The following PDE6B variants were observed in gnomAD, a reference collection of about 807,000 sequenced individuals.
PDE6B encodes phosphodiesterase 6B.
A neutral mutation model predicts 109.0 loss-of-function variants in PDE6B; 106 were observed. The observed-to-expected ratio is 0.97, with a 90% confidence interval of 0.83 to 1.14. The LOEUF (loss-of-function observed/expected upper bound fraction) is 1.14. Ranked by LOEUF, PDE6B falls within the 50% of genes most tolerant of loss-of-function variation. PDE6B has a pLI of 0.00. For synonymous variants in PDE6B, 490 were observed against 471.3 expected (o/e 1.04, Z -0.51); for missense variants, 1,193 against 1,155.6 (o/e 1.03, Z -0.47).
In PDE6B at chr4:660,586, G is replaced by A; in HGVS notation, c.1587G>A (p.Val529=). ...CGIQMYYELG[V]VRKFQIPQEV... ...TCCAGATGTACTACGAGCTGGGCGT[G>A]GTCCGAAAGTTCCAGATCCCCCAGG... The change falls in exon 12 of 22, where the codon GTG becomes GTA. Residue 529 remains valine, a synonymous_variant. Transcript: ENST00000496514. 1 of 1,613,788 alleles carries A rather than the reference G, an allele frequency of 6.2e-7. No individual in the cohort carries two copies. The highest frequency in any genetic ancestry group is 1.3e-5 in the African/African-American group (1 of 75,016).
chr4:659,100 G>A (rs1736719722), intron 11 of PDE6B, 83 bp downstream of exon 11: 8 of 1,031,998 alleles, frequency 7.8e-6, no homozygotes, highest in Middle Eastern at 2.1e-4. Flanking sequence ...TCCGGGACCC[G>A]ACGGTGCTTT....
Position 662,442 on chromosome 4 carries a change from C to T in PDE6B, c.1723-67C>T, listed in dbSNP as rs1021663676. ...CTCCAACCCGACGCCTAGGTCATCC[C>T]AACCCCTCACCACTCCCCACCCTGC... On this transcript the variant is annotated intron_variant, in intron 13 of 21. Transcript: ENST00000496514. The surrounding 1 kb of genome is among the most constrained non-coding windows in gnomAD (Gnocchi z 4.3). 1 of 1,165,252 alleles carries T rather than the reference C, an allele frequency of 8.6e-7. No individual in the cohort carries two copies. The highest frequency in any genetic ancestry group is 1.3e-6 in the Non-Finnish European group (1 of 773,492). 72.2% of individuals were successfully genotyped at this position (1,165,252 alleles called of 1,614,324 possible).
At chr4:653,482 C>A in intron 3 of PDE6B, 2 of 512,878 alleles carry the variant, frequency 3.9e-6, no homozygotes, top group Non-Finnish European at 6.3e-6. Flanking sequence ...GAAACCACGG[C>A]CCGATGTTCT....
At chr4:627,426 G>A (rs532759567) in intron 1 of PDE6B, among the ~76,000 whole-genome samples, 12 of 152,202 alleles carry the variant, frequency 7.9e-5, no homozygotes, top group East Asian at 7.7e-4. Flanking sequence ...GATAACAGGC[G>A]TGAGCCACCG....
At position 666,489 on chromosome 4, in the gene PDE6B, C is replaced by T. The variant is rs745990600; in HGVS notation, c.2269-42C>T. The T allele has an allele frequency of 2.6e-5, 37 of 1,400,436 alleles. 1 individual carries two copies. In the South Asian group the frequency reaches 3.7e-4, roughly 14 times the overall value. 86.8% of individuals were successfully genotyped at this position (1,400,436 alleles called of 1,614,324 possible). On this transcript the variant is annotated intron_variant, in intron 19 of 21. Coordinates refer to ENST00000496514, the MANE Select transcript of PDE6B (RefSeq NM_000283.4). This position sits in a 1 kb window ranked among gnomAD's most constrained non-coding sequence, Gnocchi z 5.6. ...GGCTGGGCGGGGCCCCAGGAGCTGC[C>T]TCCCTGGTCACTGTTCTCCCGCCCT...
chr4:637,015 T>G (rs1035091127), intron 3 of PDE6B, among the ~76,000 whole-genome samples: 1 of 152,186 alleles, frequency 6.6e-6, no homozygotes, highest in South Asian at 2.1e-4. Flanking sequence ...GCGTGAGAGA[T>G]TTGTCTCTTC....
intron 11 of PDE6B, 76 bp downstream of exon 11, chr4:659,093 G>C: frequency 9.4e-7 from 1 of 1,068,142 alleles, no homozygotes; most frequent in Non-Finnish European, 1.5e-6. Flanking sequence ...TGCATTCTCC[G>C]GGACCCGACG....
At chr4:653,157 GGA>G (rs1735734681) in intron 3 of PDE6B, 5 of 991,470 alleles carry the variant, frequency 5.0e-6, no homozygotes, top group Non-Finnish European at 6.0e-6. Context: ...GGCCTGGCAG[GGA>G]GAGAGCTGGG....
rs777432678 is a variant in PDE6B at position 666,637 on chromosome 4, G to A, written c.2352+23G>A. 5.2e-6 allele frequency: 8 copies of A among 1,530,080 alleles called. No individual in the cohort carries two copies. Among genetic ancestry groups the A allele is most frequent in the African/African-American group, 2.7e-5 (2 of 73,138 alleles). 94.8% of individuals were successfully genotyped at this position (1,530,080 alleles called of 1,614,324 possible). A position where few individuals can be genotyped will look rare whatever the true frequency, so the allele number is the denominator to read the frequency against. ...AAGGCGAGTGGTTCACGGGTGTTCC[G>A]AGCTGACTGGGGCAGGGTGGCTGGG... is the stretch of plus-strand genomic sequence containing the variant. On this transcript the variant is annotated intron_variant, in intron 20 of 21. Transcript: ENST00000496514. This position sits in a 1 kb window ranked among gnomAD's most constrained non-coding sequence, Gnocchi z 5.6.
intron 3 of PDE6B, among the ~76,000 whole-genome samples, chr4:642,262 G>A (rs763505873): frequency 2.0e-5 from 3 of 151,046 alleles, no homozygotes; most frequent in African/African-American, 4.9e-5. Context: ...ACCTGAGGTC[G>A]GGAGTTTGAG....
chr4:625,770 G>A lies in PDE6B; in HGVS notation c.144G>A (p.Arg48=), dbSNP rs145067855. 6.2e-7 allele frequency: 1 copy of A among 1,613,488 alleles called. No homozygotes were observed. Among genetic ancestry groups the A allele is most frequent in the Non-Finnish European group, 8.5e-7 (1 of 1,179,956 alleles). The change falls in exon 1 of 22, where the codon CGG becomes CGA. Residue 48 remains arginine (R), a synonymous_variant. Transcript: ENST00000496514. The surrounding 1 kb of genome is among the most constrained non-coding windows in gnomAD (Gnocchi z 5.0). ...DGCPPDCDSL[R]DLCQVEESTA... ...GCCCGCCGGACTGCGACAGCCTCCG[G>A]GACCTCTGCCAGGTGGAGGAGAGCA...
In PDE6B at chr4:648,623, C is replaced by A. The variant is rs756437996; in HGVS notation, c.712-5229C>A. ...CCCCTGCCATTCCCTTTCTGAAAAG[C>A]CTCTCGGACACTCCCATCAGAGCCA... On this transcript the variant is annotated intron_variant, in intron 3 of 21. Coordinates refer to ENST00000496514, the MANE Select transcript of PDE6B (RefSeq NM_000283.4). This position sits in a 1 kb window ranked among gnomAD's most constrained non-coding sequence, Gnocchi z 4.5. Among the ~76,000 whole-genome samples the A allele has an allele frequency of 1.3e-5, 2 of 152,212 alleles. No homozygotes were observed. Among genetic ancestry groups the A allele is most frequent in the Non-Finnish European group, 2.9e-5 (2 of 68,042 alleles).
intron 11 of PDE6B, among the ~76,000 whole-genome samples, chr4:659,369 A>G (rs2109233863): frequency 6.6e-6 from 1 of 152,294 alleles, no homozygotes; most frequent in Non-Finnish European, 1.5e-5. Flanking sequence ...GTGTCCATCT[A>G]TGTCATCTCT....
At chr4:668,341 G>A (rs560935073) in intron 21 of PDE6B, among the ~76,000 whole-genome samples, 76 of 151,968 alleles carry the variant, frequency 5.0e-4, no homozygotes, top group African/African-American at 1.4e-3. Context: ...CAAAGGCATC[G>A]TGGTCTTGCC....
intron 10 of PDE6B, among the ~76,000 whole-genome samples, chr4:658,658 A>G (rs1215827886): frequency 6.6e-6 from 1 of 152,060 alleles, no homozygotes; most frequent in African/African-American, 2.4e-5. Flanking sequence ...CCTGTGCTCA[A>G]TCTCCCCAGC....
Position 663,121 on chromosome 4 carries a change from G to A in PDE6B, c.1854G>A (p.Lys618=), listed in dbSNP as rs755888988. 3.1e-6 allele frequency: 5 copies of A among 1,611,688 alleles called. No homozygotes were observed. Among genetic ancestry groups the A allele is most frequent in the Non-Finnish European group, 4.2e-6 (5 of 1,177,860 alleles). ...YQMKSQNPLA[K]LHGSSILERH... ...ACAGGTCCCAGAACCCCTTGGCTAA[G>A]CTCCACGGCTCCTCGATTTTGGAGC... The change falls in exon 15 of 22, where the codon AAG becomes AAA. Residue 618 remains lysine, a synonymous_variant. Transcript: ENST00000496514. The surrounding 1 kb of genome is among the most constrained non-coding windows in gnomAD (Gnocchi z 4.0).
chr4:662,537 A>T lies in PDE6B; in HGVS notation c.1751A>T (p.Asp584Val), dbSNP rs2109255194. Residue 584 changes from aspartate to valine, a missense_variant, in exon 14 of 22, where the codon GAC (aspartate) becomes GTC (valine). Physicochemically the swap from Asp to Val is radical, Grantham distance 152. Coordinates refer to ENST00000496514, the MANE Select transcript of PDE6B (RefSeq NM_000283.4). The surrounding 1 kb of genome is among the most constrained non-coding windows in gnomAD (Gnocchi z 4.3). The stretch of plus-strand genomic sequence containing the variant: ...GGCAAACTGAAGAGCTACTACACGG[A>T]CCTGGAGGCCTTCGCCATGGTGACA... ...MTGKLKSYYT[D>V]LEAFAMVTAG... The T allele has an allele frequency of 6.2e-7, 1 of 1,612,834 alleles. No homozygotes were observed. Among genetic ancestry groups the T allele is most frequent in the Non-Finnish European group, 8.5e-7 (1 of 1,179,600 alleles).
intron 20 of PDE6B, among the ~76,000 whole-genome samples, chr4:667,563 C>T (rs2109282122): frequency 6.6e-6 from 1 of 152,280 alleles, no homozygotes; most frequent in Non-Finnish European, 1.5e-5. Context: ...CACCCCTCTG[C>T]CTGGCACCCT....
At chr4:657,967 C>T (rs558348181) in intron 10 of PDE6B, among the ~76,000 whole-genome samples, 55 of 127,728 alleles carry the variant, frequency 4.3e-4, no homozygotes, top group African/African-American at 1.4e-3. Flanking sequence ...CATGGCTGTG[C>T]AGCAGAGGCA....
Sources: allele counts gnomAD v4.1 joint callset (sites outside exome capture counted in the v4.1 genomes callset), GRCh38; gene constraint gnomAD v4.1.1; non-coding constraint Gnocchi (gnomAD v3.1); transcripts MANE v1.5; gene names NCBI Gene and HGNC (gene_info 2026-07-23, HGNC 2026-07-21).